Variants in ANO2 observed in about 807,000 individuals in gnomAD.
The protein encoded by ANO2 is anoctamin-2.
Under a neutral mutation model 124.2 loss-of-function variants are expected in ANO2, and 101 were observed. The observed-to-expected ratio is 0.81, with a 90% CI of 0.69 to 0.96. The LOEUF (loss-of-function observed/expected upper bound fraction) is 0.96, where lower values mean the gene tolerates loss of function less well. Among genes scored for constraint, ANO2 ranks in the 40% least tolerant of loss-of-function variants. The pLI, the probability that ANO2 is intolerant of heterozygous loss-of-function variation, is 0.00. For missense variants in ANO2, 1,293 were observed against 1,274.5 expected, an observed-to-expected ratio of 1.01 and a Z score of -0.22; for synonymous variants, 486 against 482.5, an observed-to-expected ratio of 1.01 and a Z score of -0.09.
At chr12:5,573,659 G>T (rs1409596009) in intron 23 of ANO2, among the ~76,000 whole-genome samples, 2 of 152,346 alleles carry the variant, frequency 1.3e-5, no homozygotes, top group East Asian at 3.9e-4. Context: ...AAATCTGCCT[G>T]CAATGTGATT....
rs564680861 is a variant in ANO2, at chr12:5,879,935, T to A, written c.535-25794A>T. Among the ~76,000 whole-genome samples, 3 of 152,338 alleles carry A rather than the reference T, an allele frequency of 2.0e-5. No individual in the cohort carries two copies. In the South Asian group the frequency reaches 6.2e-4, roughly 32 times the overall value. On this transcript the variant is annotated intron_variant, in intron 3 of 24. Transcript: ENST00000682330. ...TTTGCATTTGGAAAGATCACTCTGATAGAGCATGAAGATGGTTTGGAGGGG... is the reference window on the plus strand; with the variant it reads ...TTTGCATTTGGAAAGATCACTCTGAAAGAGCATGAAGATGGTTTGGAGGGG...
chr12:5,821,131 A>G (rs1483321046), intron 7 of ANO2, among the ~76,000 whole-genome samples: 1 of 152,258 alleles, frequency 6.6e-6, no homozygotes, highest in Non-Finnish European at 1.5e-5. Flanking sequence ...GGATCCAGTG[A>G]GCAAGAAGTA....
chr12:5,773,137 C>T (rs770799876), intron 10 of ANO2, among the ~76,000 whole-genome samples: 1 of 152,266 alleles, frequency 6.6e-6, no homozygotes, highest in African/African-American at 2.4e-5. Context: ...TTCTCCCATG[C>T]ACCAGCTCCG....
chr12:5,887,261 A>G (rs975253806), intron 3 of ANO2, among the ~76,000 whole-genome samples: 3 of 152,234 alleles, frequency 2.0e-5, no homozygotes, highest in Non-Finnish European at 4.4e-5. Flanking sequence ...CCAAACCCCA[A>G]TGAAATGTAA....
chr12:5,790,040 G>A (rs903520580), intron 10 of ANO2, among the ~76,000 whole-genome samples: 15 of 152,150 alleles, frequency 9.9e-5, no homozygotes, highest in Non-Finnish European at 2.1e-4. Context: ...CTCACAGGAC[G>A]CCAGTCCCCT....
At chr12:5,645,458 T>C (rs1334402326) in intron 15 of ANO2, among the ~76,000 whole-genome samples, 2 of 152,156 alleles carry the variant, frequency 1.3e-5, no homozygotes, top group African/African-American at 4.8e-5. Context: ...CACATATATA[T>C]ACACATATAT....
chr12:5,637,298 T>C (rs1946072520), intron 15 of ANO2, among the ~76,000 whole-genome samples: 1 of 151,562 alleles, frequency 6.6e-6, no homozygotes, highest in African/African-American at 2.4e-5. Context: ...GATGAAAGTA[T>C]TGATGAGGCT....
At chr12:5,933,811 C>T (rs1385896568) in intron 1 of ANO2, among the ~76,000 whole-genome samples, 1 of 152,140 alleles carries the variant, frequency 6.6e-6, no homozygotes, top group Non-Finnish European at 1.5e-5. Flanking sequence ...TTTGGCATGT[C>T]CTCTCCACTA....
At position 5,635,879 on chromosome 12, in the gene ANO2, GT is replaced by G. The variant is rs1945990834; in HGVS notation, c.1621-533del. On this transcript the variant is annotated intron_variant, in intron 15 of 24. Transcript: ENST00000682330. This position sits in a 1 kb window ranked among gnomAD's most constrained non-coding sequence, Gnocchi z 5.2. ...TGGAGACAGTGGGATTTAAAATGGA[GT>G]TTTCATGAGAAGAAATAGAAAGCCA... Among the ~76,000 whole-genome samples, 1 of 152,152 alleles carries G rather than the reference GT, an allele frequency of 6.6e-6. No homozygotes were observed. Among genetic ancestry groups the G allele is most frequent in the Non-Finnish European group, 1.5e-5 (1 of 68,026 alleles).
intron 23 of ANO2, 132 bp from the exon 24 acceptor site, chr12:5,565,795 G>A: frequency 1.5e-6 from 1 of 664,408 alleles, no homozygotes; most frequent in South Asian, 2.2e-5. Context: ...GAGAAGCAGG[G>A]GGAAGTGGGG....
chr12:5,714,828 G>A (rs1263761234), intron 14 of ANO2, among the ~76,000 whole-genome samples: 1 of 152,184 alleles, frequency 6.6e-6, no homozygotes, highest in African/African-American at 2.4e-5. Flanking sequence ...ATACAACCGG[G>A]AAAGCAGGTA....
chr12:5,796,686 C>G (rs1477343518), intron 10 of ANO2, among the ~76,000 whole-genome samples: 3 of 152,180 alleles, frequency 2.0e-5, no homozygotes, highest in Non-Finnish European at 4.4e-5. Context: ...TGGGCACGAA[C>G]GACACTGCAG....
At chr12:5,577,845 A>T in intron 22 of ANO2, 110 bp downstream of exon 22, 1 of 1,108,626 alleles carries the variant, frequency 9.0e-7, no homozygotes, top group Non-Finnish European at 1.3e-6. Context: ...CAATAAAGCT[A>T]CAAATGGAAA....
chr12:5,567,982 A>T (rs1941872219), intron 23 of ANO2, among the ~76,000 whole-genome samples: 1 of 152,194 alleles, frequency 6.6e-6, no homozygotes, highest in African/African-American at 2.4e-5. Flanking sequence ...TAACTTTATA[A>T]AAACTATGAC....
intron 7 of ANO2, among the ~76,000 whole-genome samples, chr12:5,816,504 T>G (rs753069695): frequency 1.6e-4 from 25 of 152,092 alleles, no homozygotes; most frequent in Non-Finnish European, 2.9e-4. Context: ...GTGGCTACTG[T>G]GAAGTTAACA....
In ANO2 at chr12:5,635,689, A is replaced by G. The variant is rs544609015; in HGVS notation, c.1621-342T>C. Among the ~76,000 whole-genome samples, 2 of 151,892 alleles carry G rather than the reference A, an allele frequency of 1.3e-5. No homozygotes were observed. The highest frequency in any genetic ancestry group is 4.2e-4 in the South Asian group (2 of 4,808). ...CAACACACATGACGCAATTTCTTTC[A>G]TTAGGGAGCTTTTGATCTTCTAAAG... On this transcript the variant is annotated intron_variant, in intron 15 of 24. Transcript: ENST00000682330. The surrounding 1 kb of genome is among the most constrained non-coding windows in gnomAD (Gnocchi z 5.2).
chr12:5,917,527 C>G (rs762345229), intron 3 of ANO2, among the ~76,000 whole-genome samples: 4 of 151,304 alleles, frequency 2.6e-5, no homozygotes, highest in Non-Finnish European at 5.9e-5. Context: ...TCATAATAAC[C>G]CAGTGAAGAA....
rs1236092899 is a variant in ANO2 at position 5,904,927 on chromosome 12, G to C, written c.534+16113C>G. 6.6e-5 allele frequency among the ~76,000 whole-genome samples: 10 copies of C among 152,200 alleles called. No individual in the cohort carries two copies. The highest frequency in any genetic ancestry group is 6.5e-4 in the Admixed American group (10 of 15,286). ...GAACAAAGGGAACAGGGAACAAAAT[G>C]ATAAGAAGAGGATACTCTCAAGTTC... On this transcript the variant is annotated intron_variant, in intron 3 of 24. Transcript: ENST00000682330. The surrounding 1 kb of genome is among the most constrained non-coding windows in gnomAD (Gnocchi z 4.1).
intron 14 of ANO2, among the ~76,000 whole-genome samples, chr12:5,705,829 A>G (rs1046729701): frequency 6.6e-6 from 1 of 152,178 alleles, no homozygotes; most frequent in East Asian, 1.9e-4. Context: ...CCCAGCTTCA[A>G]ACTGCCTCAG....
Sources: gnomAD v4.1 joint callset for allele counts (sites outside exome capture counted in the v4.1 genomes callset) on GRCh38, gnomAD v4.1.1 for gene constraint, Gnocchi (gnomAD v3.1) non-coding constraint, MANE v1.5 for transcripts, NCBI Gene and HGNC (gene_info 2026-07-23, HGNC 2026-07-21) for gene names.